Variants in BLTP3A observed in about 807,000 individuals in gnomAD.
The protein encoded by BLTP3A is ICBP90 binding protein 1.
chr6:34,875,943 ATGTC>A, the BLTP3A span: 2 of 152,602 alleles, frequency 1.3e-5, no homozygotes, highest in East Asian at 1.9e-4. Flanking sequence ...CCTCAAGAAA[ATGTC>A]TGGAGAGATA....
chr6:34,809,588 C>T, the BLTP3A span, among the ~76,000 whole-genome samples: 1 of 152,060 alleles, frequency 6.6e-6, no homozygotes, highest in South Asian at 2.1e-4. Context: ...TTTTTTGAGA[C>T]AGGGTCTTGC....
the BLTP3A span, chr6:34,858,655 C>G: frequency 6.2e-7 from 1 of 1,614,208 alleles, no homozygotes; most frequent in African/African-American, 1.3e-5. Flanking sequence ...GGCTCTTGCC[C>G]CTGACTCTAT....
the BLTP3A span, among the ~76,000 whole-genome samples, chr6:34,806,577 A>T: frequency 6.6e-6 from 1 of 152,176 alleles, no homozygotes; most frequent in Admixed American, 6.5e-5. Context: ...GAATTTTCTT[A>T]TCCTCAGTTT....
the BLTP3A span, chr6:34,867,109 G>A: frequency 8.8e-7 from 1 of 1,134,324 alleles, no homozygotes; most frequent in Non-Finnish European, 1.2e-6. Flanking sequence ...ATTTCTAGTT[G>A]TCTCATGAAT....
At chr6:34,806,895 A>C in the BLTP3A span, among the ~76,000 whole-genome samples, 1 of 152,116 alleles carries the variant, frequency 6.6e-6, no homozygotes, top group Non-Finnish European at 1.5e-5. Context: ...CCTGACCTCA[A>C]GTGATCCACC....
chr6:34,835,297 A>G, the BLTP3A span: 2 of 1,613,916 alleles, frequency 1.2e-6, no homozygotes, highest in Non-Finnish European at 1.7e-6. Flanking sequence ...TCCTCAGACC[A>G]AAGATTGCAA....
the BLTP3A span, among the ~76,000 whole-genome samples, chr6:34,839,763 C>T: frequency 4.6e-5 from 7 of 152,216 alleles, no homozygotes; most frequent in Admixed American, 2.6e-4. Flanking sequence ...CATAAAGCTG[C>T]GCGGGTGGCT....
chr6:34,821,582 G>C, the BLTP3A span: 1 of 1,400,114 alleles, frequency 7.1e-7, no homozygotes, highest in South Asian at 1.4e-5. Context: ...AGATTCAGAA[G>C]TGTTTTGGCT....
At chr6:34,856,732 CT>C in the BLTP3A span, 1 of 1,576,608 alleles carries the variant, frequency 6.3e-7, no homozygotes, top group South Asian at 1.1e-5. Context: ...TTTCCTTATT[CT>C]ATTAGTAATG....
chr6:34,858,878 T>G, the BLTP3A span: 1 of 1,614,174 alleles, frequency 6.2e-7, no homozygotes, highest in Non-Finnish European at 8.5e-7. Flanking sequence ...CTGCTTCGCC[T>G]GAAGGAGGTG....
the BLTP3A span, among the ~76,000 whole-genome samples, chr6:34,866,449 T>C: frequency 6.6e-6 from 1 of 152,084 alleles, no homozygotes; most frequent in African/African-American, 2.4e-5. Flanking sequence ...TTTTGTTTCA[T>C]AAACACTACT....
At chr6:34,834,669 C>G in the BLTP3A span, 1 of 1,591,082 alleles carries the variant, frequency 6.3e-7, no homozygotes, top group Non-Finnish European at 8.6e-7. Context: ...CTTCTTGCTT[C>G]TTGGTTAATT....
chr6:34,807,869 A>G, the BLTP3A span, among the ~76,000 whole-genome samples: 4 of 151,944 alleles, frequency 2.6e-5, no homozygotes, highest in African/African-American at 4.8e-5. Context: ...TTGAAACCCC[A>G]TCTCTACTAA....
chr6:34,861,433 T>G, the BLTP3A span, among the ~76,000 whole-genome samples: 1 of 152,208 alleles, frequency 6.6e-6, no homozygotes, highest in Non-Finnish European at 1.5e-5. Context: ...GCCTATAATT[T>G]TAATTTTTTA....
chr6:34,871,813 C>A, the BLTP3A span: 1 of 1,613,764 alleles, frequency 6.2e-7, no homozygotes, highest in Non-Finnish European at 8.5e-7. Flanking sequence ...TACTTGTTTT[C>A]TCCAGCTGCT....
chr6:34,850,763 C>T, the BLTP3A span, among the ~76,000 whole-genome samples: 1 of 152,158 alleles, frequency 6.6e-6, no homozygotes, highest in Admixed American at 6.5e-5. Context: ...GTGGCATAAT[C>T]ATAGCTCACT....
At chr6:34,823,450 C>T in the BLTP3A span, 2 of 924,402 alleles carry the variant, frequency 2.2e-6, no homozygotes, top group Non-Finnish European at 3.4e-6. Context: ...TTCAAACTTA[C>T]ACTAAAGTAA....
At chr6:34,821,406 T>C in the BLTP3A span, 9 of 402,404 alleles carry the variant, frequency 2.2e-5, no homozygotes, top group Admixed American at 4.0e-5. Context: ...TAACATCTTA[T>C]ATGGTGTAGA....
chr6:34,855,956 A>G, the BLTP3A span: 3 of 977,276 alleles, frequency 3.1e-6, no homozygotes, highest in African/African-American at 3.5e-5. Context: ...TTTTGATTCT[A>G]CTCTCAGCCC....
Sources: gnomAD v4.1 joint callset for allele counts (sites outside exome capture counted in the v4.1 genomes callset) on GRCh38, gnomAD v4.1.1 for gene constraint, MANE v1.5 for transcripts, NCBI Gene and HGNC (gene_info 2026-07-23, HGNC 2026-07-21) for gene names.